KIF5A: variants seen among roughly 807,000 people sequenced by gnomAD.
The protein encoded by KIF5A is kinesin heavy chain isoform 5A.
In KIF5A, 35 loss-of-function variants were observed where a neutral mutation model predicts 141.3. The ratio of observed to expected loss-of-function variants is 0.25; its 90% CI spans 0.19 to 0.33. The LOEUF is 0.33. KIF5A is among the 10% of genes least tolerant of loss of function. The pLI is 1.00. For synonymous variants in KIF5A, 448 were observed against 500.2 expected (o/e 0.90, Z 1.39); for missense variants, 861 against 1,314.3 (o/e 0.66, Z 5.33).
rs371542028 is a variant in KIF5A, at chr12:57,564,955, C to T, written c.483C>T (p.Asn161=). 82 of 1,614,058 alleles carry T rather than the reference C, an allele frequency of 5.1e-5. No individual in the cohort carries two copies. Among genetic ancestry groups the T allele is most frequent in the Non-Finnish European group, 6.5e-5 (77 of 1,180,038 alleles). The change falls in exon 6 of 29, where the codon AAC becomes AAT. Residue 161 remains asparagine (N), a synonymous_variant. Coordinates refer to ENST00000455537, the MANE Select transcript of KIF5A (RefSeq NM_004984.4). ...KTNLSVHEDK[N]RVPFVKGCTE... is the part of the protein sequence containing the mutation. The stretch of plus-strand genomic sequence containing the variant: ...ATCTGTCCGTGCACGAGGACAAGAA[C>T]CGGGTGCCATTTGTCAAGGTGAGAG...
chr12:57,583,574 A>G (rs964106), intron 28 of KIF5A, among the ~76,000 whole-genome samples: 2 of 152,302 alleles, frequency 1.3e-5, no homozygotes, highest in East Asian at 1.9e-4. Flanking sequence ...CTAGGGGGCC[A>G]TCTCAACCCC....
Position 57,550,899 on chromosome 12 carries a change from A to G in KIF5A, c.129+499A>G, listed in dbSNP as rs766826073. 6.6e-6 allele frequency among the ~76,000 whole-genome samples: 1 copy of G among 152,042 alleles called. No homozygotes were observed. The highest frequency in any genetic ancestry group is 2.4e-5 in the African/African-American group (1 of 41,392). On this transcript the variant is annotated intron_variant, in intron 1 of 28. Transcript: ENST00000455537. The surrounding 1 kb of genome is among the most constrained non-coding windows in gnomAD (Gnocchi z 4.6). ...AAGACCAAACCTTCCATCATTCCCT[A>G]AAGTAGTTATAGCCTGGATTTTTGT... is the stretch of plus-strand genomic sequence containing the variant.
intron 1 of KIF5A, among the ~76,000 whole-genome samples, chr12:57,553,646 G>T (rs1451409928): frequency 6.6e-6 from 1 of 152,174 alleles, no homozygotes; most frequent in East Asian, 1.9e-4. Context: ...GGTTGAACAG[G>T]TTGGTCATCT....
In KIF5A at chr12:57,578,349, G is replaced by A. The variant is rs575641161; in HGVS notation, c.2538+7G>A. 5 of 1,598,210 alleles carry A rather than the reference G, an allele frequency of 3.1e-6. No individual in the cohort carries two copies. Among genetic ancestry groups the A allele is most frequent in the African/African-American group, 2.7e-5 (2 of 74,756 alleles). The stretch of plus-strand genomic sequence containing the variant: ...TACAAAGGTTCACAAACAGGTAAGA[G>A]TCTGCTGAAGGAGTGAAGAGAATTT... On this transcript the variant is annotated splice_region_variant and intron_variant, in intron 23 of 28. Transcript: ENST00000455537.
chr12:57,550,455 G>A lies in KIF5A; in HGVS notation c.129+55G>A. ...AGGGGGCAGGTGGCTGAATCTCCCC[G>A]CCCCCCGCAGAGCCTTAGTCTCTGC... is the stretch of plus-strand genomic sequence containing the variant. On this transcript the variant is annotated intron_variant, in intron 1 of 28. Transcript: ENST00000455537. This position sits in a 1 kb window ranked among gnomAD's most constrained non-coding sequence, Gnocchi z 4.6. The A allele has an allele frequency of 2.5e-6, 4 of 1,586,054 alleles. No homozygotes were observed. The highest frequency in any genetic ancestry group is 1.7e-5 in the Admixed American group (1 of 59,720).
At chr12:57,582,729 G>A in intron 27 of KIF5A, 100 bp downstream of exon 27, 2 of 969,706 alleles carry the variant, frequency 2.1e-6, no homozygotes, top group Non-Finnish European at 3.4e-6. Flanking sequence ...AGCCTTTGGG[G>A]AAGGGGGAGG....
At chr12:57,576,684 G>A in intron 19 of KIF5A, 77 bp from the exon 20 acceptor site, 2 of 1,083,892 alleles carry the variant, frequency 1.8e-6, no homozygotes, top group Non-Finnish European at 1.4e-6. Flanking sequence ...AAAGGAAGAA[G>A]TTTGAAGAGC....
chr12:57,562,238 G>T (rs559909838), intron 1 of KIF5A, among the ~76,000 whole-genome samples: 2 of 151,744 alleles, frequency 1.3e-5, no homozygotes, highest in Non-Finnish European at 2.9e-5. Context: ...TTTTTGAGAC[G>T]AAGTCTTGCT....
At position 57,576,801 on chromosome 12, in the gene KIF5A, G is replaced by A; in HGVS notation, c.2239G>A (p.Ala747Thr). Residue 747 changes from alanine (A) to threonine (T), a missense_variant, in exon 20 of 29, where the codon GCT (alanine) becomes ACT (threonine). Coordinates refer to ENST00000455537, the MANE Select transcript of KIF5A (RefSeq NM_004984.4). ...CCAGTTAGAGCTAGAGAAGCTTCAGGCTGACTACGAGAAGCTGAAGAGCGA... is the reference window on the plus strand; with the variant it reads ...CCAGTTAGAGCTAGAGAAGCTTCAGACTGACTACGAGAAGCTGAAGAGCGA... Reference protein sequence around the residue: ...KLQLELEKLQADYEKLKSEEH... With the variant: ...KLQLELEKLQTDYEKLKSEEH... The A allele has an allele frequency of 1.2e-6, 2 of 1,613,900 alleles. No homozygotes were observed. The highest frequency in any genetic ancestry group is 1.7e-6 in the Non-Finnish European group (2 of 1,179,896).
chr12:57,573,809 CA>C (rs1882333148), intron 15 of KIF5A, among the ~76,000 whole-genome samples: 2 of 121,396 alleles, frequency 1.6e-5, no homozygotes, highest in Non-Finnish European at 1.7e-5. Context: ...GCCTGGGCAA[CA>C]AGAGTGAAAC....
chr12:57,571,767 C>T (rs1394294865), intron 13 of KIF5A, among the ~76,000 whole-genome samples: 3 of 152,050 alleles, frequency 2.0e-5, no homozygotes, highest in Non-Finnish European at 2.9e-5. Flanking sequence ...CCATGTTACC[C>T]AGGCTGGTCT....
At chr12:57,556,332 GTT>G (rs1881742647) in intron 1 of KIF5A, among the ~76,000 whole-genome samples, 1 of 151,922 alleles carries the variant, frequency 6.6e-6, no homozygotes, top group Non-Finnish European at 1.5e-5. Context: ...TGGAGACGGG[GTT>G]TCACCGTGTT....
chr12:57,574,769 A>G (rs1471621325), intron 15 of KIF5A, among the ~76,000 whole-genome samples: 3 of 150,682 alleles, frequency 2.0e-5, no homozygotes, highest in Non-Finnish European at 4.4e-5. Context: ...TAGTAGAGAC[A>G]GGGTTTCACC....
At chr12:57,551,356 GGTCATGCTATTCATCCATGGAT>G (rs1294280126) in intron 1 of KIF5A, among the ~76,000 whole-genome samples, 1 of 152,148 alleles carries the variant, frequency 6.6e-6, no homozygotes, top group Non-Finnish European at 1.5e-5. Context: ...ACTTTCTCAA[GGTCATGCTATTCATCCATGGAT>G]CTGAACCTAA....
At position 57,572,487 on chromosome 12, in the gene KIF5A, C is replaced by T. The variant is rs1053973299; in HGVS notation, c.1570-93C>T. ...GGCCTGTGTTCTCTTCATAGCAGCC[C>T]TCAGGGTCTTGCATGAAGGGAGAGG... is the stretch of plus-strand genomic sequence containing the variant. On this transcript the variant is annotated intron_variant, in intron 14 of 28. Coordinates refer to ENST00000455537, the MANE Select transcript of KIF5A (RefSeq NM_004984.4). The surrounding 1 kb of genome is among the most constrained non-coding windows in gnomAD (Gnocchi z 4.2). 1 of 1,543,138 alleles carries T rather than the reference C, an allele frequency of 6.5e-7. No individual in the cohort carries two copies. The highest frequency in any genetic ancestry group is 1.4e-5 in the African/African-American group (1 of 73,544).
At position 57,563,475 on chromosome 12, in the gene KIF5A, A is replaced by C. The variant is rs1162282839; in HGVS notation, c.166A>C (p.Asn56His). The change falls in exon 2 of 29, where the codon AAC (asparagine) becomes CAC (histidine). Residue 56 changes from asparagine to histidine, a missense_variant. Around this residue, in one of 5 missense-constraint regions of KIF5A, gnomAD observed 59 missense variants for 81.1 expected, o/e 0.73. Coordinates refer to ENST00000455537, the MANE Select transcript of KIF5A (RefSeq NM_004984.4). ...TGTTTTTGACCGTGTATTCCCCCCA[A>C]ACACGACTCAAGAGCAAGTTTATCA... is the stretch of plus-strand genomic sequence containing the variant. ...PYVFDRVFPP[N>H]TTQEQVYHAC... 6.2e-7 allele frequency: 1 copy of C among 1,613,956 alleles called. No individual in the cohort carries two copies. The highest frequency in any genetic ancestry group is 8.5e-7 in the Non-Finnish European group (1 of 1,179,846).
intron 1 of KIF5A, among the ~76,000 whole-genome samples, chr12:57,551,230 T>C (rs1380062240): frequency 6.6e-6 from 1 of 152,158 alleles, no homozygotes; most frequent in East Asian, 1.9e-4. Flanking sequence ...GGAACTAATA[T>C]TAACAGTGGG....
chr12:57,578,939 C>A (rs1882511543), intron 23 of KIF5A, among the ~76,000 whole-genome samples: 1 of 152,082 alleles, frequency 6.6e-6, no homozygotes, highest in Non-Finnish European at 1.5e-5. Context: ...TGGCACACAC[C>A]CATAGTCCCA....
chr12:57,573,223 G>A (rs1013361599), intron 15 of KIF5A, among the ~76,000 whole-genome samples: 4 of 151,852 alleles, frequency 2.6e-5, no homozygotes, highest in Non-Finnish European at 4.4e-5. Flanking sequence ...AAATTCTAAC[G>A]GGTGCTGAAT....
Sources: gnomAD v4.1 joint callset for allele counts (sites outside exome capture counted in the v4.1 genomes callset) on GRCh38, gnomAD v4.1.1 for gene constraint, gnomAD v4.1.1 regional missense constraint, Gnocchi (gnomAD v3.1) non-coding constraint, MANE v1.5 for transcripts, NCBI Gene and HGNC (gene_info 2026-07-23, HGNC 2026-07-21) for gene names.